CCDC92B: variants seen among roughly 807,000 people sequenced by gnomAD.
The protein encoded by CCDC92B is coiled-coil domain-containing 92B.
In CCDC92B, 2 loss-of-function variants were observed where a neutral mutation model predicts 5.6. That is an observed-to-expected ratio of 0.36 (90% CI 0.15 to 1.12). CCDC92B has a LOEUF of 1.12. CCDC92B is among the 50% of genes most tolerant of loss of function. The pLI, the probability that CCDC92B is intolerant of heterozygous loss-of-function variation, is 0.40. For missense variants in CCDC92B, 271 were observed against 262.2 expected (o/e 1.03, Z -0.23); for synonymous variants, 115 against 122.3 (o/e 0.94, Z 0.39).
intron 2 of CCDC92B, among the ~76,000 whole-genome samples, chr17:2,731,099 G>A (rs1355394742): frequency 6.6e-6 from 1 of 152,206 alleles, no homozygotes; most frequent in East Asian, 1.9e-4. Flanking sequence ...CCCCACGGCA[G>A]GGAGAAGGGC....
Position 2,730,428 on chromosome 17 carries a change from C to T in CCDC92B, c.178+18G>A, listed in dbSNP as rs1313656166. 1 of 985,064 alleles carries T rather than the reference C, an allele frequency of 1.0e-6. No individual in the cohort carries two copies. The highest frequency in any genetic ancestry group is 1.2e-6 in the Non-Finnish European group (1 of 829,820). 61.0% of individuals were successfully genotyped at this position (985,064 alleles called of 1,614,324 possible). ...GTTGGGCCCCATGACGCTTCCCCAC[C>T]AGTGGTCCTTCTCTTACCTTGCTGG... On this transcript the variant is annotated intron_variant, in intron 3 of 3. Transcript: ENST00000614400.
In CCDC92B at chr17:2,749,624, C is replaced by A; in HGVS notation, c.-237G>T. On this transcript the variant is annotated 5_prime_UTR_variant, in exon 1 of 4. Coordinates refer to ENST00000614400, the MANE Select transcript of CCDC92B (RefSeq NM_001355573.2). ...AGGGGGGTCGGGGGCGGGCTCGAGG[C>A]GTAAACACCCAGCAACGTGACCGGA... 6.7e-6 allele frequency: 1 copy of A among 148,204 alleles called. No homozygotes were observed. The highest frequency in any genetic ancestry group is 2.0e-4 in the East Asian group (1 of 4,918). The allele number at this position is 148,204 out of a possible 1,614,324, so 9.2% of individuals were successfully genotyped here.
At chr17:2,735,686 C>T (rs1180391772) in intron 1 of CCDC92B, among the ~76,000 whole-genome samples, 1 of 152,204 alleles carries the variant, frequency 6.6e-6, no homozygotes, top group Non-Finnish European at 1.5e-5. Context: ...CCGCCTTGGC[C>T]TCCCAGAGTG....
intron 3 of CCDC92B, among the ~76,000 whole-genome samples, chr17:2,728,518 G>A (rs2070760035): frequency 6.6e-6 from 1 of 151,852 alleles, no homozygotes; most frequent in Admixed American, 6.6e-5. Context: ...AGGCAGAATG[G>A]CGTGAACCCG....
intron 3 of CCDC92B, among the ~76,000 whole-genome samples, chr17:2,725,479 C>T (rs2070718046): frequency 6.6e-6 from 1 of 151,800 alleles, no homozygotes; most frequent in Admixed American, 6.6e-5. Context: ...CACGCGTCGG[C>T]TCAGTGGCCT....
chr17:2,732,197 A>G (rs1208883571), intron 2 of CCDC92B, among the ~76,000 whole-genome samples: 2 of 152,102 alleles, frequency 1.3e-5, no homozygotes, highest in Admixed American at 6.6e-5. Flanking sequence ...CTTCATTCTG[A>G]GTCCTCACCC....
chr17:2,738,602 T>TAC (rs2070881044), intron 1 of CCDC92B, among the ~76,000 whole-genome samples: 1 of 146,718 alleles, frequency 6.8e-6, no homozygotes, highest in South Asian at 2.1e-4. Flanking sequence ...CTACTAAAAA[T>TAC]ATAAAAAATT....
At chr17:2,730,371 G>C (rs1372761379) in intron 3 of CCDC92B, 75 bp downstream of exon 3, 3 of 849,156 alleles carry the variant, frequency 3.5e-6, no homozygotes, top group Non-Finnish European at 4.2e-6. Context: ...AGAAGGTTTG[G>C]GTCCTGCAAA....
intron 1 of CCDC92B, among the ~76,000 whole-genome samples, chr17:2,740,336 G>A (rs905032973): frequency 3.9e-5 from 6 of 151,930 alleles, no homozygotes; most frequent in South Asian, 2.1e-4. Context: ...TAATCAAATG[G>A]AGATTATTCT....
intron 1 of CCDC92B, among the ~76,000 whole-genome samples, chr17:2,738,299 A>T (rs1028298423): frequency 1.3e-5 from 2 of 151,902 alleles, no homozygotes; most frequent in African/African-American, 4.8e-5. Flanking sequence ...TGGTCTCCCA[A>T]AGTGCTGGGA....
intron 3 of CCDC92B, among the ~76,000 whole-genome samples, chr17:2,728,421 C>T (rs1246952083): frequency 6.6e-6 from 1 of 151,672 alleles, no homozygotes; most frequent in South Asian, 2.1e-4. Flanking sequence ...TCCTGGCTAA[C>T]ACGGTGAAAC....
In CCDC92B at chr17:2,721,604, G is replaced by C. The variant is rs969985749; in HGVS notation, c.*2807C>G. On this transcript the variant is annotated 3_prime_UTR_variant, in exon 4 of 4. Coordinates refer to ENST00000614400, the MANE Select transcript of CCDC92B (RefSeq NM_001355573.2). ...TCCCAGTCTCGTTCTGCTGCACAGA[G>C]GGTTCTGTGCAGGCGGGTGGAGGGG... 1.3e-5 allele frequency: 2 copies of C among 152,272 alleles called. No homozygotes were observed. The highest frequency in any genetic ancestry group is 4.8e-5 in the African/African-American group (2 of 41,452). 9.4% of individuals were successfully genotyped at this position (152,272 alleles called of 1,614,324 possible).
intron 2 of CCDC92B, among the ~76,000 whole-genome samples, chr17:2,733,282 G>A (rs1473753464): frequency 6.8e-6 from 1 of 146,414 alleles, no homozygotes; most frequent in Non-Finnish European, 1.5e-5. Flanking sequence ...TTTTTGAGAC[G>A]GAGTTTCACT....
At chr17:2,731,392 A>G (rs1480447196) in intron 2 of CCDC92B, among the ~76,000 whole-genome samples, 1 of 152,184 alleles carries the variant, frequency 6.6e-6, no homozygotes, top group Admixed American at 6.5e-5. Flanking sequence ...GGCAGAAGGA[A>G]GCCAGAAGCC....
At chr17:2,727,426 C>T (rs2070741507) in intron 3 of CCDC92B, among the ~76,000 whole-genome samples, 1 of 152,238 alleles carries the variant, frequency 6.6e-6, no homozygotes, top group South Asian at 2.1e-4. Flanking sequence ...GAAGCTCCAT[C>T]TCGGCAGGAC....
intron 1 of CCDC92B, among the ~76,000 whole-genome samples, chr17:2,739,134 A>G (rs192866732): frequency 0.012 from 1,844 of 149,930 alleles, 113 homozygotes; most frequent in Admixed American, 0.1. Flanking sequence ...TTGGGAGGCC[A>G]AGGTGGGCGG....
chr17:2,726,954 A>G (rs1396546451), intron 3 of CCDC92B, among the ~76,000 whole-genome samples: 1 of 133,846 alleles, frequency 7.5e-6, no homozygotes, highest in Non-Finnish European at 1.6e-5. Flanking sequence ...CCCTCTTGCC[A>G]GGCTGGAGTG....
In CCDC92B at chr17:2,724,014, T is replaced by A. The variant is rs1221274478; in HGVS notation, c.*397A>T. The A allele has an allele frequency of 1.0e-6, 1 of 982,994 alleles. No homozygotes were observed. Among genetic ancestry groups the A allele is most frequent in the Non-Finnish European group, 1.2e-6 (1 of 828,580 alleles). 60.9% of individuals were successfully genotyped at this position (982,994 alleles called of 1,614,324 possible). A position where few individuals can be genotyped will look rare whatever the true frequency, so the allele number is the denominator to read the frequency against. ...GGAGCTAGAGGGCCTGGGGCGCCAA[T>A]GCCACTCTGCGTCCCTTTCCGTAGG... On this transcript the variant is annotated 3_prime_UTR_variant, in exon 4 of 4. Coordinates refer to ENST00000614400, the MANE Select transcript of CCDC92B (RefSeq NM_001355573.2). The surrounding 1 kb of genome is among the most constrained non-coding windows in gnomAD (Gnocchi z 5.0).
rs1036541085 is a variant in CCDC92B at position 2,739,240 on chromosome 17, G to C, written c.-23-4072C>G. ...AAATTAGCTGGGTGTGGTGGCGGGC[G>C]CCTGTAGTCCCAGCTACTCGGGAGG... On this transcript the variant is annotated intron_variant, in intron 1 of 3. Coordinates refer to ENST00000614400, the MANE Select transcript of CCDC92B (RefSeq NM_001355573.2). Among the ~76,000 whole-genome samples the C allele has an allele frequency of 1.4e-4, 20 of 147,748 alleles. 1 individual carries two copies. Among genetic ancestry groups the C allele is most frequent in the African/African-American group, 5.1e-4 (20 of 39,328 alleles).
Sources: gnomAD v4.1 joint callset for allele counts (sites outside exome capture counted in the v4.1 genomes callset) on GRCh38, gnomAD v4.1.1 for gene constraint, Gnocchi (gnomAD v3.1) non-coding constraint, MANE v1.5 for transcripts, NCBI Gene and HGNC (gene_info 2026-07-23, HGNC 2026-07-21) for gene names.